ARL15: variants seen among roughly 807,000 people sequenced by gnomAD.
The protein encoded by ARL15 is ARF like GTPase 15.
Under a neutral mutation model 25.2 loss-of-function variants are expected in ARL15, and 19 were observed. The ratio of observed to expected loss-of-function variants is 0.75; its 90% CI spans 0.53 to 1.10. The LOEUF (loss-of-function observed/expected upper bound fraction) is 1.10. Among genes scored for constraint, ARL15 ranks in the 50% least tolerant of loss-of-function variants. The pLI, the probability that ARL15 is intolerant of heterozygous loss-of-function variation, is 0.00. For missense variants in ARL15, 220 were observed against 246.0 expected, an observed-to-expected ratio of 0.89 and a Z score of 0.71; for synonymous variants, 94 against 86.8, an observed-to-expected ratio of 1.08 and a Z score of -0.46.
chr5:54,122,059 G>T (rs933158157), intron 3 of ARL15, among the ~76,000 whole-genome samples: 2 of 152,172 alleles, frequency 1.3e-5, no homozygotes, highest in Admixed American at 6.5e-5. Context: ...AAGAGGCAAA[G>T]AATAGATTTT....
intron 4 of ARL15, among the ~76,000 whole-genome samples, chr5:53,969,057 G>C (rs754424613): frequency 1.3e-5 from 2 of 151,966 alleles, no homozygotes; most frequent in African/African-American, 2.4e-5. Context: ...GGCTGAGGCA[G>C]GAGAATTGTT....
chr5:53,994,903 G>A (rs184608448), intron 4 of ARL15, among the ~76,000 whole-genome samples: 5 of 152,196 alleles, frequency 3.3e-5, no homozygotes, highest in East Asian at 3.9e-4. Context: ...TCAAACTCCT[G>A]TCTTCAAGCA....
chr5:54,142,537 G>C (rs971276945), intron 3 of ARL15, among the ~76,000 whole-genome samples: 2 of 152,244 alleles, frequency 1.3e-5, no homozygotes, highest in Non-Finnish European at 2.9e-5. Flanking sequence ...GACAGCCCAT[G>C]CTCTCCTGGA....
At chr5:54,240,250 A>G (rs1331571932) in intron 1 of ARL15, among the ~76,000 whole-genome samples, 1 of 136,250 alleles carries the variant, frequency 7.3e-6, no homozygotes, top group Non-Finnish European at 1.5e-5. Context: ...AAAAAAACAC[A>G]TCGCCAATAA....
At chr5:54,267,517 C>T (rs985384387) in intron 1 of ARL15, among the ~76,000 whole-genome samples, 1 of 152,088 alleles carries the variant, frequency 6.6e-6, no homozygotes, top group African/African-American at 2.4e-5. Context: ...TGATAAGTTG[C>T]ATAAGGACAT....
chr5:54,070,988 G>T (rs1264808014), intron 4 of ARL15, among the ~76,000 whole-genome samples: 1 of 150,766 alleles, frequency 6.6e-6, no homozygotes, highest in African/African-American at 2.5e-5. Context: ...GGGCAACATG[G>T]TGAAATTCTG....
chr5:53,952,646 A>G (rs1482962438), intron 4 of ARL15, among the ~76,000 whole-genome samples: 1 of 152,184 alleles, frequency 6.6e-6, no homozygotes, highest in Non-Finnish European at 1.5e-5. Context: ...GGAAATACTT[A>G]ATTCTACTGC....
chr5:53,930,535 T>G (rs1023102961), intron 4 of ARL15, among the ~76,000 whole-genome samples: 3 of 152,176 alleles, frequency 2.0e-5, no homozygotes, highest in Non-Finnish European at 4.4e-5. Context: ...GTGTAAGAGA[T>G]ATATTTGTTA....
At chr5:54,267,380 C>T (rs1230618706) in intron 1 of ARL15, among the ~76,000 whole-genome samples, 2 of 152,132 alleles carry the variant, frequency 1.3e-5, no homozygotes, top group Non-Finnish European at 2.9e-5. Flanking sequence ...CATGAGCCAC[C>T]GCGCCTGGCC....
At chr5:54,146,888 C>T (rs1225868539) in intron 3 of ARL15, among the ~76,000 whole-genome samples, 4 of 152,232 alleles carry the variant, frequency 2.6e-5, no homozygotes, top group Non-Finnish European at 2.9e-5. Context: ...TTTCCTAAGG[C>T]ACTTCTCCAG....
intron 4 of ARL15, among the ~76,000 whole-genome samples, chr5:54,013,841 C>A (rs1018588633): frequency 2.0e-5 from 3 of 150,846 alleles, no homozygotes; most frequent in African/African-American, 4.9e-5. Flanking sequence ...CATTCCCTTA[C>A]CCCCCCACCC....
At chr5:54,160,421 T>C (rs1754369312) in intron 2 of ARL15, among the ~76,000 whole-genome samples, 1 of 152,160 alleles carries the variant, frequency 6.6e-6, no homozygotes, top group African/African-American at 2.4e-5. Flanking sequence ...AGTGTTCAGT[T>C]TTCTCTAGGT....
At chr5:54,309,681 G>A (rs1258341724) in intron 1 of ARL15, among the ~76,000 whole-genome samples, 4 of 152,188 alleles carry the variant, frequency 2.6e-5, no homozygotes, top group Non-Finnish European at 5.9e-5. Flanking sequence ...CATGGTGCTC[G>A]CATAATTCCA....
In ARL15 at chr5:54,275,841, C is replaced by G. The variant is rs558889438; in HGVS notation, c.48+34591G>C. Among the ~76,000 whole-genome samples the G allele has an allele frequency of 9.1e-3, 1,325 of 145,768 alleles. 31 individuals carry two copies. The highest frequency in any genetic ancestry group is 0.031 in the African/African-American group (1,261 of 40,962). ...CTGGGACTACAGGCACCCGCCACCA[C>G]GCCTGGCTAATTTTTTTTTTTTTTT... On this transcript the variant is annotated intron_variant, in intron 1 of 4. Coordinates refer to ENST00000504924, the MANE Select transcript of ARL15 (RefSeq NM_019087.3).
chr5:53,903,923 G>C (rs187069945), intron 4 of ARL15, among the ~76,000 whole-genome samples: 7 of 152,282 alleles, frequency 4.6e-5, no homozygotes, highest in Admixed American at 4.6e-4. Flanking sequence ...TTACATGGTG[G>C]CCAGCGATAC....
intron 3 of ARL15, among the ~76,000 whole-genome samples, chr5:54,153,613 T>C (rs543087076): frequency 3.9e-5 from 6 of 152,300 alleles, no homozygotes; most frequent in South Asian, 4.1e-4. Flanking sequence ...ATATTAATGC[T>C]ATAAAGCTAA....
intron 1 of ARL15, among the ~76,000 whole-genome samples, chr5:54,285,561 G>A (rs1220248276): frequency 6.6e-6 from 1 of 152,108 alleles, no homozygotes; most frequent in Non-Finnish European, 1.5e-5. Context: ...TAATTTTGAT[G>A]TCCTGTGCAA....
At chr5:54,136,602 T>G (rs915147118) in intron 3 of ARL15, among the ~76,000 whole-genome samples, 3 of 152,076 alleles carry the variant, frequency 2.0e-5, no homozygotes, top group African/African-American at 7.2e-5. Context: ...AAGAAGAATC[T>G]GGAGAAAATG....
At chr5:54,083,871 T>C (rs1751877047) in intron 4 of ARL15, among the ~76,000 whole-genome samples, 1 of 152,334 alleles carries the variant, frequency 6.6e-6, no homozygotes, top group African/African-American at 2.4e-5. Context: ...TGATGAGTTG[T>C]TCATTATTCA....
Sources: gnomAD v4.1 joint callset for allele counts (sites outside exome capture counted in the v4.1 genomes callset) on GRCh38, gnomAD v4.1.1 for gene constraint, MANE v1.5 for transcripts, NCBI Gene and HGNC (gene_info 2026-07-23, HGNC 2026-07-21) for gene names.